The following COMMD10 variants were observed in gnomAD, a reference collection of about 807,000 sequenced individuals.
COMMD10 encodes the protein COMM domain-containing protein 10.
COMMD10 carries 33 observed loss-of-function variants against 28.9 expected under a neutral mutation model. The observed-to-expected ratio is 1.14, with a 90% CI of 0.87 to 1.53. The LOEUF (loss-of-function observed/expected upper bound fraction) is 1.53. Ranked by LOEUF, COMMD10 falls within the 40% of genes most tolerant of loss-of-function variation. The pLI is 0.00. For missense variants in COMMD10, 310 were observed against 233.4 expected, an observed-to-expected ratio of 1.33 and a Z score of -2.14; for synonymous variants, 110 against 81.7, an observed-to-expected ratio of 1.35 and a Z score of -1.87.
At chr5:116,181,373 TC>T (rs1747952840) in intron 5 of COMMD10, among the ~76,000 whole-genome samples, 1 of 150,994 alleles carries the variant, frequency 6.6e-6, no homozygotes, top group African/African-American at 2.4e-5. Context: ...CTTTATATCT[TC>T]TATCTTCTGA....
chr5:116,204,891 T>G (rs1748770306), intron 5 of COMMD10, among the ~76,000 whole-genome samples: 1 of 152,124 alleles, frequency 6.6e-6, no homozygotes, highest in Admixed American at 6.6e-5. Flanking sequence ...AGACAACACA[T>G]GCTGTTTTAC....
At chr5:116,244,295 C>G (rs1749885325) in intron 5 of COMMD10, among the ~76,000 whole-genome samples, 1 of 152,018 alleles carries the variant, frequency 6.6e-6, no homozygotes, top group African/African-American at 2.4e-5. Context: ...AGGATACACT[C>G]CATGTTTATT....
intron 4 of COMMD10, among the ~76,000 whole-genome samples, chr5:116,129,038 G>A (rs921946187): frequency 1.3e-5 from 2 of 151,796 alleles, no homozygotes; most frequent in Non-Finnish European, 2.9e-5. Context: ...GCAGTCGTGG[G>A]TAGATACTTT....
intron 5 of COMMD10, among the ~76,000 whole-genome samples, chr5:116,180,778 A>G (rs2038087218): frequency 6.6e-6 from 1 of 152,178 alleles, no homozygotes; most frequent in Non-Finnish European, 1.5e-5. Context: ...CATATATTGT[A>G]GTATATCAGC....
chr5:116,163,446 C>G (rs528157828), intron 5 of COMMD10, among the ~76,000 whole-genome samples: 1 of 96,726 alleles, frequency 1.0e-5, no homozygotes, highest in South Asian at 2.6e-4. Context: ...AAAAAAAAGC[C>G]AGGCTTGGTG....
intron 5 of COMMD10, among the ~76,000 whole-genome samples, chr5:116,152,834 G>T (rs7724448): frequency 0.31 from 47,723 of 151,958 alleles, 10,376 homozygotes; most frequent in African/African-American, 0.62. Context: ...GAAAATATGA[G>T]AATTATAAGC....
intron 5 of COMMD10, among the ~76,000 whole-genome samples, chr5:116,245,408 C>G (rs1246660945): frequency 6.6e-6 from 1 of 152,082 alleles, no homozygotes; most frequent in Non-Finnish European, 1.5e-5. Flanking sequence ...TGAATTCTCC[C>G]AGATGTATGA....
intron 5 of COMMD10, among the ~76,000 whole-genome samples, chr5:116,270,173 G>T (rs985180399): frequency 1.3e-5 from 2 of 151,872 alleles, no homozygotes; most frequent in Non-Finnish European, 2.9e-5. Flanking sequence ...CTAAAGGGAA[G>T]GAGATGGGAT....
intron 5 of COMMD10, among the ~76,000 whole-genome samples, chr5:116,209,039 T>G (rs138736933): frequency 1.3e-5 from 2 of 152,182 alleles, no homozygotes; most frequent in Non-Finnish European, 2.9e-5. Context: ...CTTGGTGTAC[T>G]AATCTGATTC....
intron 5 of COMMD10, among the ~76,000 whole-genome samples, chr5:116,232,850 C>G (rs1749563137): frequency 1.3e-5 from 2 of 152,098 alleles, no homozygotes. Flanking sequence ...TTGTTAAATT[C>G]TCAAGCAACC....
At position 116,156,207 on chromosome 5, in the gene COMMD10, G is replaced by A. The variant is rs145836700; in HGVS notation, c.510+22029G>A. Among the ~76,000 whole-genome samples, 136 of 152,194 alleles carry A rather than the reference G, an allele frequency of 8.9e-4. 1 individual carries two copies. In the East Asian group the frequency reaches 0.023, roughly 25 times the overall value. On this transcript the variant is annotated intron_variant, in intron 5 of 6. Coordinates refer to ENST00000274458, the MANE Select transcript of COMMD10 (RefSeq NM_016144.4). Reference sequence around the variant, plus strand: ...TTTTTGACAAATAATAGAGAATAAGGTGAAGGACCAGTGGTGGCACTGGTA... The same window carrying A: ...TTTTTGACAAATAATAGAGAATAAGATGAAGGACCAGTGGTGGCACTGGTA...
intron 4 of COMMD10, among the ~76,000 whole-genome samples, chr5:116,128,671 G>C (rs1248123423): frequency 1.3e-5 from 2 of 151,882 alleles, no homozygotes; most frequent in Non-Finnish European, 2.9e-5. Context: ...ACTGTATCTT[G>C]TTTATGTCAG....
At chr5:116,141,089 T>C (rs1172054785) in intron 5 of COMMD10, among the ~76,000 whole-genome samples, 3 of 151,866 alleles carry the variant, frequency 2.0e-5, no homozygotes, top group Non-Finnish European at 2.9e-5. Context: ...CTTTTATCTC[T>C]TTTGAGTTTG....
chr5:116,172,381 A>G lies in COMMD10; in HGVS notation c.510+38203A>G, dbSNP rs368655981. On this transcript the variant is annotated intron_variant, in intron 5 of 6. Coordinates refer to ENST00000274458, the MANE Select transcript of COMMD10 (RefSeq NM_016144.4). Reference sequence around the variant, plus strand: ...ATATGAAGAAAAATACTATGATGATACTAATTGTGTTTTGTAGGAATATGG... The same window carrying G: ...ATATGAAGAAAAATACTATGATGATGCTAATTGTGTTTTGTAGGAATATGG... Among the ~76,000 whole-genome samples, 3 of 152,184 alleles carry G rather than the reference A, an allele frequency of 2.0e-5. No homozygotes were observed. In the East Asian group the frequency reaches 5.8e-4, roughly 29 times the overall value.
chr5:116,174,797 C>T lies in COMMD10; in HGVS notation c.510+40619C>T, dbSNP rs532427882. Among the ~76,000 whole-genome samples, 6 of 152,268 alleles carry T rather than the reference C, an allele frequency of 3.9e-5. No homozygotes were observed. In the East Asian group the frequency reaches 5.8e-4, roughly 15 times the overall value. On this transcript the variant is annotated intron_variant, in intron 5 of 6. Transcript: ENST00000274458. The stretch of plus-strand genomic sequence containing the variant: ...CTTCTCTAGGTAGTAGCCACTCTTA[C>T]TCAATTTTTAATCAAAGCTAACAGT...
intron 6 of COMMD10, among the ~76,000 whole-genome samples, 153 bp downstream of exon 6, chr5:116,291,729 T>C (rs1751367319): frequency 6.9e-6 from 1 of 145,246 alleles, no homozygotes; most frequent in Non-Finnish European, 1.6e-5. Context: ...GGAGGAAGTA[T>C]AGCAGAAATG....
intron 5 of COMMD10, among the ~76,000 whole-genome samples, chr5:116,248,023 G>T (rs1253224591): frequency 6.6e-6 from 1 of 151,748 alleles, no homozygotes. Flanking sequence ...AATAAAAGTT[G>T]TACAAAGAAT....
intron 5 of COMMD10, among the ~76,000 whole-genome samples, chr5:116,144,727 A>AT (rs1426565341): frequency 1.3e-5 from 2 of 151,916 alleles, no homozygotes; most frequent in Non-Finnish European, 2.9e-5. Context: ...TATGATTTCA[A>AT]TAACAATTGA....
chr5:116,142,459 G>C (rs999023671), intron 5 of COMMD10, among the ~76,000 whole-genome samples: 16 of 151,758 alleles, frequency 1.1e-4, no homozygotes, highest in Non-Finnish European at 7.4e-5. Flanking sequence ...TCAAGAGGAT[G>C]ATTACTAGGT....
Sources: gnomAD v4.1 joint callset for allele counts (sites outside exome capture counted in the v4.1 genomes callset) on GRCh38, gnomAD v4.1.1 for gene constraint, MANE v1.5 for transcripts, NCBI Gene and HGNC (gene_info 2026-07-23, HGNC 2026-07-21) for gene names.